NRXN1: variants seen among roughly 807,000 people sequenced by gnomAD.
NRXN1 encodes neurexin 1.
A neutral mutation model predicts 150.9 loss-of-function variants in NRXN1; 39 were observed. That is an observed-to-expected ratio of 0.26 (90% CI 0.20 to 0.34). The LOEUF (loss-of-function observed/expected upper bound fraction) is 0.34. Ranked by LOEUF, NRXN1 falls within the 10% of genes least tolerant of loss-of-function variation. The pLI is 1.00. For synonymous variants in NRXN1, 924 were observed against 757.0 expected, an observed-to-expected ratio of 1.22 and a Z score of -3.62; for missense variants, 1,815 against 1,949.9, an observed-to-expected ratio of 0.93 and a Z score of 1.30.
chr2:50,009,459 C>T (rs1031436917), intron 21 of NRXN1, among the ~76,000 whole-genome samples: 1 of 152,090 alleles, frequency 6.6e-6, no homozygotes, highest in Non-Finnish European at 1.5e-5. Flanking sequence ...AGGGACACCC[C>T]ACCTTGATTT....
chr2:50,132,556 C>T (rs955297366), intron 18 of NRXN1, among the ~76,000 whole-genome samples: 1 of 152,232 alleles, frequency 6.6e-6, no homozygotes, highest in Non-Finnish European at 1.5e-5. Flanking sequence ...CTTCCCGCCT[C>T]GGCCTCCCAA....
chr2:50,636,531 AAACTC>A (rs1239294224), intron 5 of NRXN1, among the ~76,000 whole-genome samples: 1 of 152,216 alleles, frequency 6.6e-6, no homozygotes, highest in Non-Finnish European at 1.5e-5. Flanking sequence ...ATTCTGTGCC[AAACTC>A]AATTGCTCTC....
chr2:50,025,746 C>G (rs1254338635), intron 21 of NRXN1, among the ~76,000 whole-genome samples: 1 of 152,172 alleles, frequency 6.6e-6, no homozygotes, highest in East Asian at 1.9e-4. Context: ...CTTGCAAACT[C>G]AGATATACTT....
intron 21 of NRXN1, among the ~76,000 whole-genome samples, chr2:49,998,894 G>C (rs1474165184): frequency 6.6e-6 from 1 of 151,980 alleles, no homozygotes; most frequent in Non-Finnish European, 1.5e-5. Flanking sequence ...TTTTACTACT[G>C]TCGTTGTAGT....
chr2:50,194,934 A>G (rs541758792), intron 18 of NRXN1, among the ~76,000 whole-genome samples: 45 of 152,326 alleles, frequency 3.0e-4, no homozygotes, highest in Middle Eastern at 6.8e-3. Flanking sequence ...TAACTGACAG[A>G]GTGAAAGGTA....
intron 2 of NRXN1, among the ~76,000 whole-genome samples, chr2:51,019,962 T>C (rs1230476262): frequency 2.6e-5 from 4 of 152,022 alleles, no homozygotes; most frequent in Non-Finnish European, 4.4e-5. Context: ...CATTTTTCAA[T>C]ATAGATTTCC....
chr2:50,973,629 A>C (rs192965374), intron 2 of NRXN1, among the ~76,000 whole-genome samples: 3 of 152,226 alleles, frequency 2.0e-5, no homozygotes, highest in East Asian at 1.9e-4. Context: ...ATTGACACTC[A>C]AGCGACAAAT....
At chr2:50,465,942 T>G (rs2088789948) in intron 16 of NRXN1, among the ~76,000 whole-genome samples, 1 of 151,736 alleles carries the variant, frequency 6.6e-6, no homozygotes, top group African/African-American at 2.4e-5. Context: ...TAATGAGAAA[T>G]GGAGATTATA....
intron 21 of NRXN1, among the ~76,000 whole-genome samples, chr2:50,012,783 T>G (rs534517218): frequency 6.6e-6 from 1 of 152,306 alleles, no homozygotes; most frequent in Non-Finnish European, 1.5e-5. Flanking sequence ...GAATTTACAC[T>G]ACAGTGAATG....
chr2:50,399,111 T>A (rs76530522), intron 17 of NRXN1, among the ~76,000 whole-genome samples: 4 of 152,174 alleles, frequency 2.6e-5, no homozygotes, highest in African/African-American at 9.7e-5. Context: ...TCTGTTTTTA[T>A]GTTTTTCACT....
chr2:50,863,441 G>C lies in NRXN1; in HGVS notation c.832+58428C>G, dbSNP rs115959227. On this transcript the variant is annotated intron_variant, in intron 5 of 22. Transcript: ENST00000401669. ...GTGTGTTAAACTGTATTGAGTTTCA[G>C]AGTAAACCTGCTTCAGAGTCAGCTA... Among the ~76,000 whole-genome samples, 679 of 152,018 alleles carry C rather than the reference G, an allele frequency of 4.5e-3. 5 individuals carry two copies. Among genetic ancestry groups the C allele is most frequent in the African/African-American group, 0.016 (655 of 41,492 alleles).
At chr2:50,132,132 C>T (rs17039940) in intron 18 of NRXN1, among the ~76,000 whole-genome samples, 25,613 of 151,906 alleles carry the variant, frequency 0.17, 2,644 homozygotes, top group East Asian at 0.37. Flanking sequence ...GCAAAGTGTG[C>T]TAATTGTATA....
intron 17 of NRXN1, among the ~76,000 whole-genome samples, chr2:50,438,261 T>C (rs1572971285): frequency 6.6e-6 from 1 of 152,206 alleles, no homozygotes; most frequent in Admixed American, 6.5e-5. Flanking sequence ...TGAGTTTTTG[T>C]GTTTCAATTT....
chr2:49,992,427 C>CAAAAAAA (rs1682150325), intron 21 of NRXN1, among the ~76,000 whole-genome samples: 2 of 116,012 alleles, frequency 1.7e-5, no homozygotes, highest in South Asian at 3.0e-4. Flanking sequence ...AAACAAAAAA[C>CAAAAAAA]CAATTAGCCA....
At chr2:50,703,706 C>T (rs538007024) in intron 5 of NRXN1, among the ~76,000 whole-genome samples, 10 of 152,200 alleles carry the variant, frequency 6.6e-5, no homozygotes, top group South Asian at 2.1e-4. Flanking sequence ...TAATGAGGAA[C>T]GGTTAACTAT....
chr2:50,224,813 T>G (rs1180425581), intron 18 of NRXN1, among the ~76,000 whole-genome samples: 4 of 151,736 alleles, frequency 2.6e-5, no homozygotes, highest in African/African-American at 4.8e-5. Context: ...ACAGGACAGT[T>G]TTTTGTTTGT....
chr2:50,505,657 T>C (rs2092184627), intron 13 of NRXN1, among the ~76,000 whole-genome samples: 1 of 152,172 alleles, frequency 6.6e-6, no homozygotes, highest in Non-Finnish European at 1.5e-5. Context: ...TAAGGAACGA[T>C]TGTTTCAAAA....
intron 9 of NRXN1, among the ~76,000 whole-genome samples, chr2:50,539,329 A>T (rs554548145): frequency 6.6e-6 from 1 of 152,204 alleles, no homozygotes; most frequent in Admixed American, 6.5e-5. Flanking sequence ...AGTAAAACCA[A>T]TTGCTTCCTT....
chr2:50,451,307 C>G (rs528255027), intron 17 of NRXN1, among the ~76,000 whole-genome samples: 1 of 152,268 alleles, frequency 6.6e-6, no homozygotes, highest in South Asian at 2.1e-4. Context: ...TTTGAATGTG[C>G]ACTATCTGAA....
Sources: gnomAD v4.1 joint callset for allele counts (sites outside exome capture counted in the v4.1 genomes callset) on GRCh38, gnomAD v4.1.1 for gene constraint, MANE v1.5 for transcripts, NCBI Gene and HGNC (gene_info 2026-07-23, HGNC 2026-07-21) for gene names.